The following NUTM2E variants were observed in gnomAD, a reference collection of about 807,000 sequenced individuals.
NUTM2E encodes the protein NUT family member 2E, also known as family with sequence similarity 22, member E.
A neutral mutation model predicts 26.1 loss-of-function variants in NUTM2E; 3 were observed. The observed-to-expected ratio is 0.12, with a 90% CI of 0.05 to 0.30. NUTM2E has a LOEUF of 0.30. NUTM2E is among the 10% of genes least tolerant of loss of function. The pLI is 1.00. For synonymous variants in NUTM2E, 13 were observed against 157.5 expected, an observed-to-expected ratio of 0.08 and a Z score of 6.87; for missense variants, 62 against 381.3, an observed-to-expected ratio of 0.16 and a Z score of 6.97.
intron 9 of NUTM2E, 34 bp from the exon 10 acceptor site, chr10:79,849,787 G>T: frequency 1.4e-6 from 1 of 722,918 alleles, no homozygotes; most frequent in South Asian, 1.6e-5. Context: ...CACACCTGGG[G>T]CAGTGCCAGT....
rs1188950296 is a variant in NUTM2E, at chr10:79,838,588, T to C, written c.-2450+2T>C. On this transcript the variant is annotated splice_donor_variant, in intron 2 of 9. Transcript: ENST00000429984. LOFTEE classifies it low-confidence loss of function (5UTR_SPLICE). ...CCTCCCCCCTCACTTCAGGGCCAGG[T>C]GAGCAAGGGAAAGGAGCGCGGCCTG... 6.7e-5 allele frequency among the ~76,000 whole-genome samples: 10 copies of C among 148,294 alleles called. No homozygotes were observed. Among genetic ancestry groups the C allele is most frequent in the Non-Finnish European group, 1.3e-4 (9 of 66,740 alleles).
intron 5 of NUTM2E, among the ~76,000 whole-genome samples, chr10:79,845,332 C>T (rs1842017323): frequency 8.8e-6 from 1 of 113,742 alleles, no homozygotes; most frequent in South Asian, 2.4e-4. Context: ...GTCCAGTTAG[C>T]ACAGCGGTGG....
intron 1 of NUTM2E, among the ~76,000 whole-genome samples, chr10:79,830,293 G>A (rs1841918651): frequency 6.6e-6 from 1 of 151,544 alleles, no homozygotes; most frequent in South Asian, 2.1e-4. Flanking sequence ...ACATGCATCT[G>A]GATGGTTAAA....
In NUTM2E at chr10:79,834,974, T is replaced by G. The variant is rs544593702; in HGVS notation, c.-2727-3335T>G. Reference sequence around the variant, plus strand: ...AATTTATCTATTATCTGTCTCTTAATCCATCCATTCATCCTTCCATTCAAT... The same window carrying G: ...AATTTATCTATTATCTGTCTCTTAAGCCATCCATTCATCCTTCCATTCAAT... On this transcript the variant is annotated intron_variant, in intron 1 of 9. Coordinates refer to ENST00000429984, the MANE Select transcript of NUTM2E (RefSeq NM_001355263.2). Among the ~76,000 whole-genome samples, 4 of 151,768 alleles carry G rather than the reference T, an allele frequency of 2.6e-5. No homozygotes were observed. The East Asian group carries it at 7.9e-4, about 30-fold the overall frequency.
rs1841988249 is a variant in NUTM2E, at chr10:79,839,852, C to T, written c.-1889C>T. 6.7e-6 allele frequency among the ~76,000 whole-genome samples: 1 copy of T among 150,104 alleles called. No individual in the cohort carries two copies. Among genetic ancestry groups the T allele is most frequent in the South Asian group, 2.1e-4 (1 of 4,696 alleles). On this transcript the variant is annotated 5_prime_UTR_variant, in exon 4 of 10. The change creates a premature stop within an existing upstream ORF in the 5' untranslated region. Coordinates refer to ENST00000429984, the MANE Select transcript of NUTM2E (RefSeq NM_001355263.2). ...AGGACTTTCTGTGGGGATGCTCAGA[C>T]AGCAGGGGCCGGAGGACTTTTAGCC...
rs1257842600 is a variant in NUTM2E, at chr10:79,839,088, C to T, written c.-2141C>T. Among the ~76,000 whole-genome samples, 9 of 151,310 alleles carry T rather than the reference C, an allele frequency of 5.9e-5. No homozygotes were observed. The highest frequency in any genetic ancestry group is 1.9e-4 in the African/African-American group (8 of 41,198). ...TGACCGTGCCTCTGAGAAACCAGCG[C>T]GTCCGCAACGATCACTCCTAATTTT... is the stretch of plus-strand genomic sequence containing the variant. On this transcript the variant is annotated 5_prime_UTR_variant, in exon 3 of 10. Transcript: ENST00000429984.
rs1290849620 is a variant in NUTM2E at position 79,839,650 on chromosome 10, G to A, written c.-2091G>A. Among the ~76,000 whole-genome samples the A allele has an allele frequency of 1.1e-4, 16 of 151,982 alleles. No individual in the cohort carries two copies. The highest frequency in any genetic ancestry group is 1.9e-4 in the African/African-American group (8 of 41,444). On this transcript the variant is annotated 5_prime_UTR_variant, in exon 4 of 10. In the 5' UTR this introduces an upstream ATG that the reference lacks. Coordinates refer to ENST00000429984, the MANE Select transcript of NUTM2E (RefSeq NM_001355263.2). ...CAGGATTCCTATCATCTGTCTCCAC[G>A]TGATAACACTGAAGAGCCTTCACAT... is the stretch of plus-strand genomic sequence containing the variant.
rs1399296882 is a variant in NUTM2E, at chr10:79,832,203, TACAC to T, written c.-2728+4848_-2728+4851del. Among the ~76,000 whole-genome samples, 6 of 151,862 alleles carry T rather than the reference TACAC, an allele frequency of 4.0e-5. No individual in the cohort carries two copies. The South Asian group carries it at 6.2e-4, about 16-fold the overall frequency. On this transcript the variant is annotated intron_variant, in intron 1 of 9. Transcript: ENST00000429984. ...TAGCAACTGCTAACAATATTACTCT[TACAC>T]AACCATTTTTCTCACTTAAATATTT...
At chr10:79,848,998 T>C (rs1193135250) in intron 8 of NUTM2E, 103 bp downstream of exon 8, 2 of 776,642 alleles carry the variant, frequency 2.6e-6, no homozygotes, top group African/African-American at 1.8e-5. Context: ...AGTGTGTGTA[T>C]TTCCATGGAT....
At chr10:79,830,476 A>G (rs1014132805) in intron 1 of NUTM2E, among the ~76,000 whole-genome samples, 3 of 151,792 alleles carry the variant, frequency 2.0e-5, no homozygotes, top group African/African-American at 7.2e-5. Context: ...TAACTTTCAA[A>G]GATGAAAATT....
Position 79,827,855 on chromosome 10 carries a change from A to T in NUTM2E, c.-2728+498A>T, listed in dbSNP as rs1006422271. ...TTTTGCTATTGTTGCCCAGGCTGGC[A>T]CGATCTTGGCTCACCGCAACCTCCG... On this transcript the variant is annotated intron_variant, in intron 1 of 9. Transcript: ENST00000429984. 1.1e-4 allele frequency among the ~76,000 whole-genome samples: 16 copies of T among 142,228 alleles called. 1 individual carries two copies. The highest frequency in any genetic ancestry group is 4.0e-4 in the African/African-American group (15 of 37,940). The allele number at this position is 142,228 out of a possible 152,430, so 93.3% of individuals were successfully genotyped here.
chr10:79,830,377 AAAAT>A (rs945093948), intron 1 of NUTM2E, among the ~76,000 whole-genome samples: 121 of 151,924 alleles, frequency 8.0e-4, no homozygotes, highest in African/African-American at 2.8e-3. Flanking sequence ...TGAAAACAGA[AAAAT>A]AAATATCTTC....
chr10:79,829,192 C>G (rs1400444150), intron 1 of NUTM2E, among the ~76,000 whole-genome samples: 2 of 151,706 alleles, frequency 1.3e-5, no homozygotes, highest in African/African-American at 4.8e-5. Flanking sequence ...TAGTCTAGGT[C>G]TTCGTTGTGG....
intron 1 of NUTM2E, among the ~76,000 whole-genome samples, chr10:79,833,544 T>TGAAG (rs1350993958): frequency 6.6e-6 from 1 of 151,170 alleles, no homozygotes; most frequent in Non-Finnish European, 1.5e-5. Flanking sequence ...AAAAAGTGGG[T>TGAAG]GAAGGAAATG....
At chr10:79,830,129 A>C (rs551025526) in intron 1 of NUTM2E, among the ~76,000 whole-genome samples, 1 of 151,642 alleles carries the variant, frequency 6.6e-6, no homozygotes, top group African/African-American at 2.4e-5. Flanking sequence ...TTAACATTAC[A>C]TATGCAGGAC....
chr10:79,837,573 TGCTA>T (rs1474735203), intron 1 of NUTM2E, among the ~76,000 whole-genome samples: 1 of 152,118 alleles, frequency 6.6e-6, no homozygotes, highest in Non-Finnish European at 1.5e-5. Flanking sequence ...GGTATTTTGA[TGCTA>T]GTGTCAATGA....
At chr10:79,834,815 TACACACAC>T (rs71925965) in intron 1 of NUTM2E, among the ~76,000 whole-genome samples, 37 of 145,970 alleles carry the variant, frequency 2.5e-4, no homozygotes, top group East Asian at 1.8e-3. Context: ...ACAGAATACC[TACACACAC>T]ACACACACAC....
At chr10:79,832,434 TG>T (rs1364490772) in intron 1 of NUTM2E, among the ~76,000 whole-genome samples, 2 of 151,706 alleles carry the variant, frequency 1.3e-5, no homozygotes, top group Non-Finnish European at 2.9e-5. Flanking sequence ...CGATAGGAGC[TG>T]GTTGTCAACT....
At chr10:79,837,419 T>C (rs1841970374) in intron 1 of NUTM2E, among the ~76,000 whole-genome samples, 1 of 152,146 alleles carries the variant, frequency 6.6e-6, no homozygotes, top group Non-Finnish European at 1.5e-5. Context: ...ATCAACTTTT[T>C]CAAATTCATA....
Sources: allele counts gnomAD v4.1 joint callset (sites outside exome capture counted in the v4.1 genomes callset), GRCh38; gene constraint gnomAD v4.1.1; transcripts MANE v1.5; gene names NCBI Gene and HGNC (gene_info 2026-07-23, HGNC 2026-07-21).